CTNNBL1: variants seen among roughly 807,000 people sequenced by gnomAD.
CTNNBL1 encodes the protein beta-catenin-like protein 1.
In CTNNBL1, 31 loss-of-function variants were observed where a neutral mutation model predicts 72.7. That is an observed-to-expected ratio of 0.43 (90% CI 0.32 to 0.58). The LOEUF is 0.58. Among genes scored for constraint, CTNNBL1 ranks in the 20% least tolerant of loss-of-function variants. CTNNBL1 has a pLI of 0.08. For synonymous variants in CTNNBL1, 240 were observed against 267.3 expected, an observed-to-expected ratio of 0.90 and a Z score of 1.00; for missense variants, 534 against 725.1, an observed-to-expected ratio of 0.74 and a Z score of 3.03.
chr20:37,733,346 A>T (rs1206692410), intron 2 of CTNNBL1, among the ~76,000 whole-genome samples: 2 of 152,140 alleles, frequency 1.3e-5, no homozygotes. Context: ...GGACACATAG[A>T]AGGCACTTGC....
rs1446814613 is a variant in CTNNBL1, at chr20:37,872,096, A to G, written c.*83A>G. The stretch of plus-strand genomic sequence containing the variant: ...CTACACAACTCTGTGTGGCTTTTGG[A>G]CAAATTAAAGCTAGTTTTGGTATCC... On this transcript the variant is annotated 3_prime_UTR_variant, in exon 16 of 16. Transcript: ENST00000361383. 1.5e-5 allele frequency: 20 copies of G among 1,291,372 alleles called. No homozygotes were observed. The highest frequency in any genetic ancestry group is 2.2e-5 in the Non-Finnish European group (20 of 892,676). 80.0% of individuals were successfully genotyped at this position (1,291,372 alleles called of 1,614,324 possible).
chr20:37,763,262 T>C (rs2073434718), intron 5 of CTNNBL1, among the ~76,000 whole-genome samples: 1 of 152,200 alleles, frequency 6.6e-6, no homozygotes, highest in Admixed American at 6.5e-5. Context: ...TCCAGTTAAT[T>C]AAGGAAAACA....
At chr20:37,724,780 A>G (rs923079004) in intron 1 of CTNNBL1, among the ~76,000 whole-genome samples, 3 of 152,198 alleles carry the variant, frequency 2.0e-5, no homozygotes, top group Non-Finnish European at 4.4e-5. Context: ...GTCAATGTGG[A>G]CATTAAAACA....
At chr20:37,756,988 T>C (rs1190266008) in intron 4 of CTNNBL1, 4 of 152,254 alleles carry the variant, frequency 2.6e-5, no homozygotes, top group Non-Finnish European at 5.9e-5. Flanking sequence ...TTGCACAATT[T>C]TAAATTCTGT....
intron 13 of CTNNBL1, 94 bp downstream of exon 13, chr20:37,842,513 C>A: frequency 1.2e-6 from 1 of 816,894 alleles, no homozygotes; most frequent in South Asian, 1.4e-5. Context: ...TAGGTAAGGG[C>A]AGCAGTGCCA....
intron 11 of CTNNBL1, among the ~76,000 whole-genome samples, chr20:37,822,306 A>G (rs2072115349): frequency 6.6e-6 from 1 of 152,164 alleles, no homozygotes; most frequent in Non-Finnish European, 1.5e-5. Flanking sequence ...GCTGCCAGCA[A>G]GGACACACTG....
chr20:37,721,002 G>A (rs2073035960), intron 1 of CTNNBL1, among the ~76,000 whole-genome samples: 1 of 152,184 alleles, frequency 6.6e-6, no homozygotes, highest in African/African-American at 2.4e-5. Context: ...CATTTGAGTG[G>A]GGGCTTAAGA....
chr20:37,859,289 G>A (rs575713619), intron 13 of CTNNBL1, among the ~76,000 whole-genome samples: 12 of 151,912 alleles, frequency 7.9e-5, no homozygotes, highest in Middle Eastern at 3.4e-3. Context: ...CCAGGGAGGC[G>A]GAGGTTGCAG....
intron 15 of CTNNBL1, among the ~76,000 whole-genome samples, chr20:37,865,698 A>G (rs913652875): frequency 2.0e-5 from 3 of 152,204 alleles, no homozygotes; most frequent in African/African-American, 7.2e-5. Flanking sequence ...AGTGGAAGCC[A>G]CTGGCCAGTC....
intron 3 of CTNNBL1, chr20:37,744,801 A>G (rs2073248213): frequency 6.6e-6 from 1 of 152,234 alleles, no homozygotes; most frequent in Non-Finnish European, 1.5e-5. Flanking sequence ...ATATAGAACT[A>G]TATACTATAT....
chr20:37,787,414 G>A (rs938682278), intron 10 of CTNNBL1, among the ~76,000 whole-genome samples: 10 of 139,170 alleles, frequency 7.2e-5, no homozygotes, highest in East Asian at 4.3e-4. Context: ...GCGGGATCTC[G>A]GCTCACTGCA....
At chr20:37,842,138 A>G in intron 12 of CTNNBL1, 1 of 534,518 alleles carries the variant, frequency 1.9e-6, no homozygotes, top group Non-Finnish European at 3.3e-6. Flanking sequence ...CATTCATCCT[A>G]AGTGTTTGCT....
chr20:37,869,144 T>G (rs1200353837), intron 15 of CTNNBL1, among the ~76,000 whole-genome samples: 1 of 152,192 alleles, frequency 6.6e-6, no homozygotes, highest in East Asian at 1.9e-4. Context: ...GAAGAGGATT[T>G]CTGGGGGTAG....
intron 1 of CTNNBL1, among the ~76,000 whole-genome samples, chr20:37,717,622 T>C (rs2072998292): frequency 6.6e-6 from 1 of 152,006 alleles, no homozygotes; most frequent in Non-Finnish European, 1.5e-5. Context: ...TTTCTTTTTT[T>C]TTTTATTGAT....
chr20:37,714,081 A>AT (rs1436266901), intron 1 of CTNNBL1, among the ~76,000 whole-genome samples: 1 of 151,802 alleles, frequency 6.6e-6, no homozygotes, highest in Admixed American at 6.6e-5. Flanking sequence ...TAAAAAAAAA[A>AT]CAAGAAGGAA....
At chr20:37,814,651 C>G (rs994452740) in intron 11 of CTNNBL1, among the ~76,000 whole-genome samples, 3 of 152,164 alleles carry the variant, frequency 2.0e-5, no homozygotes, top group Admixed American at 2.0e-4. Context: ...ATACATGTCC[C>G]TCCTCCAGCA....
intron 1 of CTNNBL1, chr20:37,727,255 T>A (rs952296369): frequency 1.4e-6 from 1 of 715,408 alleles, no homozygotes; most frequent in Non-Finnish European, 1.7e-6. Flanking sequence ...TTAATTTTTT[T>A]AACTCCTTCA....
chr20:37,757,720 C>T (rs770702924), intron 5 of CTNNBL1, 64 bp downstream of exon 5: 3 of 1,249,086 alleles, frequency 2.4e-6, no homozygotes, highest in Middle Eastern at 1.9e-4. Context: ...CCACCACCAT[C>T]GTCTCGGAGA....
At chr20:37,780,793 T>C (rs898962857) in intron 10 of CTNNBL1, among the ~76,000 whole-genome samples, 3 of 152,226 alleles carry the variant, frequency 2.0e-5, no homozygotes, top group African/African-American at 4.8e-5. Context: ...AGCGAAATGA[T>C]GTATAATGAA....
Sources: gnomAD v4.1 joint callset for allele counts (sites outside exome capture counted in the v4.1 genomes callset) on GRCh38, gnomAD v4.1.1 for gene constraint, MANE v1.5 for transcripts, NCBI Gene and HGNC (gene_info 2026-07-23, HGNC 2026-07-21) for gene names.